TCF4: variants seen among roughly 807,000 people sequenced by gnomAD.
TCF4 encodes SL3-3 enhancer factor 2.
A neutral mutation model predicts 82.1 loss-of-function variants in TCF4; 3 were observed. The observed-to-expected ratio is 0.04, with a 90% CI of 0.02 to 0.09. TCF4 has a LOEUF of 0.09. Ranked by LOEUF, TCF4 falls within the 10% of genes least tolerant of loss-of-function variation. The probability of loss-of-function intolerance (pLI) is 1.00; values close to 1 mark genes in which losing one functional copy is unlikely to be tolerated. For missense variants in TCF4, 518 were observed against 852.7 expected (o/e 0.61, Z 4.89); for synonymous variants, 276 against 309.6 (o/e 0.89, Z 1.14).
chr18:55,470,921 C>G (rs79293619), intron 3 of TCF4, among the ~76,000 whole-genome samples: 1 of 152,138 alleles, frequency 6.6e-6, no homozygotes, highest in African/African-American at 2.4e-5. Context: ...CTTCTTCCTG[C>G]AACAACAGAC....
In TCF4 at chr18:55,349,736, G is replaced by A. The variant is rs148774731; in HGVS notation, c.549+623C>T. ...GTTGTGATCACAACCAACTTTTGCT[G>A]TACTAGGGACCTGGGGGTGGGTGGG... On this transcript the variant is annotated intron_variant, in intron 8 of 19. Coordinates refer to ENST00000354452, the MANE Select transcript of TCF4 (RefSeq NM_001083962.2). Among the ~76,000 whole-genome samples, 543 of 151,854 alleles carry A rather than the reference G, an allele frequency of 3.6e-3. 4 individuals are homozygous for A. Among genetic ancestry groups the A allele is most frequent in the Non-Finnish European group, 6.6e-3 (447 of 67,918 alleles).
chr18:55,632,054 T>A (rs2097732076), intron 1 of TCF4, among the ~76,000 whole-genome samples: 1 of 152,224 alleles, frequency 6.6e-6, no homozygotes, highest in African/African-American at 2.4e-5. Context: ...TTTGTTTTGT[T>A]TTGAAACGTA....
At chr18:55,513,300 T>C (rs1046595568) in intron 3 of TCF4, among the ~76,000 whole-genome samples, 3 of 151,962 alleles carry the variant, frequency 2.0e-5, no homozygotes, top group Non-Finnish European at 4.4e-5. Flanking sequence ...CTAGGCATGA[T>C]GAAGAGTGGA....
At chr18:55,556,735 GGTTAAA>G (rs2097307744) in intron 3 of TCF4, among the ~76,000 whole-genome samples, 5 of 152,090 alleles carry the variant, frequency 3.3e-5, no homozygotes, top group Admixed American at 3.3e-4. Flanking sequence ...CTTAAATAAA[GGTTAAA>G]GTTACTCATG....
At chr18:55,293,654 A>C (rs538883993) in intron 8 of TCF4, among the ~76,000 whole-genome samples, 3 of 152,312 alleles carry the variant, frequency 2.0e-5, no homozygotes, top group Non-Finnish European at 2.9e-5. Flanking sequence ...AGACACTGAG[A>C]AAACACTGAA....
At chr18:55,269,628 A>AT (rs1379426819) in intron 11 of TCF4, 1 of 676,972 alleles carries the variant, frequency 1.5e-6, no homozygotes, top group East Asian at 2.8e-5. Context: ...ACGTAGCTAA[A>AT]TTTCAGTGTC....
intron 8 of TCF4, among the ~76,000 whole-genome samples, chr18:55,334,437 A>G (rs1603085332): frequency 6.6e-6 from 1 of 152,150 alleles, no homozygotes; most frequent in Admixed American, 6.5e-5. Context: ...CTCCAATTGC[A>G]TAATTCCAAG....
At chr18:55,460,022 G>A (rs2144744647) in intron 5 of TCF4, among the ~76,000 whole-genome samples, 1 of 152,220 alleles carries the variant, frequency 6.6e-6, no homozygotes, top group Admixed American at 6.5e-5. Flanking sequence ...GAGATTCAAG[G>A]ACCTGAAGTA....
chr18:55,602,979 A>T (rs2097698717), intron 2 of TCF4, among the ~76,000 whole-genome samples: 2 of 152,208 alleles, frequency 1.3e-5, no homozygotes, highest in Non-Finnish European at 2.9e-5. Flanking sequence ...TGTAAAATGT[A>T]ATAGGTGATG....
intron 6 of TCF4, among the ~76,000 whole-genome samples, chr18:55,358,929 T>C (rs1348071169): frequency 1.3e-5 from 2 of 152,208 alleles, no homozygotes; most frequent in Non-Finnish European, 1.5e-5. Context: ...CTTAGCAAAG[T>C]TCCTAGCACT....
intron 5 of TCF4, among the ~76,000 whole-genome samples, chr18:55,435,768 T>C (rs2147240945): frequency 6.6e-6 from 1 of 152,340 alleles, no homozygotes. Flanking sequence ...GTTTTCCTGA[T>C]CACTCAGATC....
chr18:55,576,416 CAA>C (rs2097528611), intron 3 of TCF4, among the ~76,000 whole-genome samples: 1 of 152,130 alleles, frequency 6.6e-6, no homozygotes, highest in South Asian at 2.1e-4. Context: ...GAGTGAAACG[CAA>C]ACTCAGTCAA....
chr18:55,554,762 G>A (rs1184584892), intron 3 of TCF4, among the ~76,000 whole-genome samples: 1 of 152,110 alleles, frequency 6.6e-6, no homozygotes, highest in Non-Finnish European at 1.5e-5. Flanking sequence ...TCTTCCCCAG[G>A]CCCCAGAACA....
intron 6 of TCF4, among the ~76,000 whole-genome samples, chr18:55,354,478 C>T (rs1386849404): frequency 6.6e-6 from 1 of 152,128 alleles, no homozygotes; most frequent in African/African-American, 2.4e-5. Context: ...GCTTATACAA[C>T]CAAGAAAGCA....
intron 6 of TCF4, among the ~76,000 whole-genome samples, chr18:55,386,126 G>A (rs1012459401): frequency 1.3e-5 from 2 of 152,050 alleles, no homozygotes; most frequent in African/African-American, 2.4e-5. Context: ...TACTCCCAGC[G>A]CCTCCCAGGT....
intron 8 of TCF4, among the ~76,000 whole-genome samples, chr18:55,328,763 A>C (rs2077005728): frequency 6.6e-6 from 1 of 152,236 alleles, no homozygotes; most frequent in Non-Finnish European, 1.5e-5. Flanking sequence ...ATCTCAGCAC[A>C]GGATGTTCTC....
chr18:55,573,251 A>G (rs1488865099), intron 3 of TCF4, among the ~76,000 whole-genome samples: 2 of 151,696 alleles, frequency 1.3e-5, no homozygotes, highest in African/African-American at 4.8e-5. Context: ...CGGAATGTAT[A>G]AAGTATGGTA....
chr18:55,588,710 G>A, upstream of TCF4: 8 of 1,304,740 alleles, frequency 6.1e-6, no homozygotes, highest in Non-Finnish European at 7.8e-6. Context: ...TTTCTTTTTC[G>A]TCTATAAATC....
At chr18:55,575,115 A>G (rs1469040859) in intron 3 of TCF4, among the ~76,000 whole-genome samples, 3 of 152,352 alleles carry the variant, frequency 2.0e-5, no homozygotes, top group Admixed American at 2.0e-4. Context: ...TAAAAGAGAA[A>G]TTGTTCAAAA....
Sources: gnomAD v4.1 joint callset for allele counts (sites outside exome capture counted in the v4.1 genomes callset) on GRCh38, gnomAD v4.1.1 for gene constraint, MANE v1.5 for transcripts, NCBI Gene and HGNC (gene_info 2026-07-23, HGNC 2026-07-21) for gene names.